KIF27: variants seen among roughly 807,000 people sequenced by gnomAD.
KIF27 encodes the protein kinesin family member 27.
In KIF27, 84 loss-of-function variants were observed where a neutral mutation model predicts 141.8. The ratio of observed to expected loss-of-function variants is 0.59; its 90% CI spans 0.50 to 0.71. KIF27 has a LOEUF of 0.71. Ranked by LOEUF, KIF27 falls within the 30% of genes least tolerant of loss-of-function variation. The pLI, the probability that KIF27 is intolerant of heterozygous loss-of-function variation, is 0.00. For missense variants in KIF27, 1,306 were observed against 1,628.4 expected (o/e 0.80, Z 3.41); for synonymous variants, 471 against 569.5 (o/e 0.83, Z 2.46).
At chr9:83,846,613 G>C (rs1213944693) in intron 16 of KIF27, among the ~76,000 whole-genome samples, 1 of 152,156 alleles carries the variant, frequency 6.6e-6, no homozygotes, top group Non-Finnish European at 1.5e-5. Context: ...TCAGCATCCA[G>C]TATATGGTAC....
rs1344065798 is a variant in KIF27 at position 83,848,466 on chromosome 9, A to G, written c.3556+1633T>C. 2.0e-4 allele frequency among the ~76,000 whole-genome samples: 28 copies of G among 142,300 alleles called. 1 individual carries two copies. The highest frequency in any genetic ancestry group is 7.7e-3 in the Middle Eastern group (2 of 260). The allele number at this position is 142,300 out of a possible 152,430, so 93.4% of individuals were successfully genotyped here. A position where few individuals can be genotyped will look rare whatever the true frequency, so the allele number is the denominator to read the frequency against. ...ATGCTATATGTATATATCTATATCT[A>G]TATGTATATATACATATAGATATGT... On this transcript the variant is annotated intron_variant, in intron 16 of 17. Transcript: ENST00000297814.
At chr9:83,865,753 T>C in intron 13 of KIF27, among the ~76,000 whole-genome samples, 1 of 152,228 alleles carries the variant, frequency 6.6e-6, no homozygotes, top group Non-Finnish European at 1.5e-5. Context: ...TGAGTTTATT[T>C]TTTCCTTTTG....
intron 5 of KIF27, among the ~76,000 whole-genome samples, chr9:83,896,488 A>G (rs915800113): frequency 6.6e-6 from 1 of 152,172 alleles, no homozygotes; most frequent in Non-Finnish European, 1.5e-5. Flanking sequence ...CAGAAAAAAA[A>G]TCAAGTACCT....
rs141668207 is a variant in KIF27 at position 83,904,019 on chromosome 9, C to A, written c.500-1G>T. On this transcript the variant is annotated splice_acceptor_variant, in intron 3 of 17. Coordinates refer to ENST00000297814, the MANE Select transcript of KIF27 (RefSeq NM_017576.4). LOFTEE classifies it high-confidence loss of function. ...TGGCATTCCTTGGCCCCAACAATCA[C>A]TTAAAATAGTAATAACATGTTTTTA... is the stretch of plus-strand genomic sequence containing the variant. 6 of 1,584,942 alleles carry A rather than the reference C, an allele frequency of 3.8e-6. No individual in the cohort carries two copies. In the African/African-American group the frequency reaches 8.1e-5, roughly 22 times the overall value.
chr9:83,908,415 T>A (rs747867117), intron 3 of KIF27, 37 bp downstream of exon 3: 2 of 1,273,470 alleles, frequency 1.6e-6, no homozygotes, highest in South Asian at 1.4e-5. Flanking sequence ...CATGTCTGTT[T>A]GCTAATGAAG....
At chr9:83,878,603 A>G (rs1951423110) in intron 11 of KIF27, among the ~76,000 whole-genome samples, 1 of 152,202 alleles carries the variant, frequency 6.6e-6, no homozygotes, top group African/African-American at 2.4e-5. Flanking sequence ...ACATGCTGCA[A>G]TGTAGACAAA....
At chr9:83,908,742 T>A in intron 2 of KIF27, 90 bp from the exon 3 acceptor site, 1 of 731,026 alleles carries the variant, frequency 1.4e-6, no homozygotes, top group South Asian at 2.7e-5. Context: ...TTTTACTACA[T>A]TTCTATATAT....
At chr9:83,857,779 G>T (rs923696914) in intron 14 of KIF27, among the ~76,000 whole-genome samples, 3 of 151,978 alleles carry the variant, frequency 2.0e-5, no homozygotes, top group African/African-American at 7.3e-5. Flanking sequence ...ATCTACTGAG[G>T]CTGCCTTGAT....
intron 1 of KIF27, among the ~76,000 whole-genome samples, chr9:83,917,605 A>AC (rs1475268923): frequency 6.6e-6 from 1 of 152,232 alleles, no homozygotes; most frequent in Non-Finnish European, 1.5e-5. Context: ...ATAAAGACAG[A>AC]CATATAGATC....
chr9:83,852,872 T>G (rs1340544660), intron 15 of KIF27, among the ~76,000 whole-genome samples: 1 of 152,190 alleles, frequency 6.6e-6, no homozygotes, highest in African/African-American at 2.4e-5. Flanking sequence ...CCCAAAGTGC[T>G]GGGATTACAG....
In KIF27 at chr9:83,842,291, T is replaced by G. The variant is rs200646527; in HGVS notation, c.3667A>C (p.Lys1223Gln). Residue 1223 changes from lysine (K) to glutamine (Q), a missense_variant, in exon 17 of 18, where the codon AAA becomes CAA. Coordinates refer to ENST00000297814, the MANE Select transcript of KIF27 (RefSeq NM_017576.4). ...GCTTCCCCTACCAGTTCCTTAAGTTTCTTCTTATGATCCCGGCTGGTTTTC... is the reference window on the plus strand; with the variant it reads ...GCTTCCCCTACCAGTTCCTTAAGTTGCTTCTTATGATCCCGGCTGGTTTTC... Reference protein sequence around the residue: ...YKKTSRDHKKKLKELVGEAIR... With the variant: ...YKKTSRDHKKQLKELVGEAIR... 10 of 1,569,756 alleles carry G rather than the reference T, an allele frequency of 6.4e-6. No homozygotes were observed. The highest frequency in any genetic ancestry group is 8.6e-6 in the Non-Finnish European group (10 of 1,165,644).
At chr9:83,844,118 G>C (rs1434644387) in intron 16 of KIF27, among the ~76,000 whole-genome samples, 2 of 152,084 alleles carry the variant, frequency 1.3e-5, no homozygotes, top group Non-Finnish European at 2.9e-5. Flanking sequence ...AAAAAGGCGA[G>C]ACTGACCTAG....
At chr9:83,840,899 C>T (rs1946479087) in intron 17 of KIF27, among the ~76,000 whole-genome samples, 2 of 152,124 alleles carry the variant, frequency 1.3e-5, no homozygotes, top group African/African-American at 4.8e-5. Flanking sequence ...AGATGAGGGA[C>T]ATTAGACTGT....
intron 3 of KIF27, among the ~76,000 whole-genome samples, chr9:83,906,577 C>G (rs1373448927): frequency 6.6e-6 from 1 of 151,454 alleles, no homozygotes; most frequent in Admixed American, 6.6e-5. Context: ...CCCGTCTCTA[C>G]AAAAAAATAC....
intron 5 of KIF27, among the ~76,000 whole-genome samples, chr9:83,894,486 T>G (rs1234980674): frequency 6.6e-6 from 1 of 152,214 alleles, no homozygotes; most frequent in African/African-American, 2.4e-5. Context: ...CTCACTGTGC[T>G]CAACTGTTTG....
In KIF27 at chr9:83,853,681, G is replaced by A. The variant is rs1308376362; in HGVS notation, c.3305C>T (p.Ala1102Val). Residue 1102 changes from alanine to valine, a missense_variant, in exon 15 of 18, where the codon GCT (alanine) becomes GTT (valine). Around this residue, in one of 4 missense-constraint regions of KIF27, gnomAD observed 596 missense variants for 751.6 expected, o/e 0.79. Transcript: ENST00000297814. ...RGEANVLEKLACLSPVEIRTI... is the reference protein window; with the variant it reads ...RGEANVLEKLVCLSPVEIRTI... ...TCTAATCTCAACAGGACTCAGGCAA[G>A]CTAGCTTTTCCAAGACATTTGCTTC... 1 of 1,613,832 alleles carries A rather than the reference G, an allele frequency of 6.2e-7. No homozygotes were observed. The highest frequency in any genetic ancestry group is 1.7e-5 in the Admixed American group (1 of 60,018).
At chr9:83,901,702 G>A (rs567345339) in intron 4 of KIF27, among the ~76,000 whole-genome samples, 10 of 152,036 alleles carry the variant, frequency 6.6e-5, no homozygotes, top group Non-Finnish European at 1.2e-4. Context: ...GTGAAACCCC[G>A]TCTCTACTAA....
intron 16 of KIF27, among the ~76,000 whole-genome samples, chr9:83,846,006 CT>C (rs1564277510): frequency 6.6e-6 from 1 of 152,126 alleles, no homozygotes; most frequent in African/African-American, 2.4e-5. Flanking sequence ...CCAGCCACCC[CT>C]GTCATTGCCC....
At chr9:83,862,929 T>G (rs1321275048) in intron 13 of KIF27, among the ~76,000 whole-genome samples, 2 of 152,204 alleles carry the variant, frequency 1.3e-5, no homozygotes, top group Non-Finnish European at 2.9e-5. Flanking sequence ...TTTATTCTCT[T>G]TGAAGCAATT....
Sources: gnomAD v4.1 joint callset for allele counts (sites outside exome capture counted in the v4.1 genomes callset) on GRCh38, gnomAD v4.1.1 for gene constraint, gnomAD v4.1.1 regional missense constraint, MANE v1.5 for transcripts, NCBI Gene and HGNC (gene_info 2026-07-23, HGNC 2026-07-21) for gene names.